Variants in SYNE1 observed in about 807,000 individuals in gnomAD.
SYNE1 encodes spectrin repeat containing nuclear envelope protein 1.
A neutral mutation model predicts 1,111.0 loss-of-function variants in SYNE1; 616 were observed. That is an observed-to-expected ratio of 0.55 (90% CI 0.52 to 0.59). The LOEUF (loss-of-function observed/expected upper bound fraction) is 0.59. SYNE1 is among the 20% of genes least tolerant of loss of function. SYNE1 has a pLI of 0.00. For missense variants in SYNE1, 10,006 were observed against 10,417.0 expected, an observed-to-expected ratio of 0.96 and a Z score of 1.72; for synonymous variants, 3,855 against 3,825.8, an observed-to-expected ratio of 1.01 and a Z score of -0.28.
intron 55 of SYNE1, among the ~76,000 whole-genome samples, chr6:152,384,505 T>A (rs892342301): frequency 2.0e-5 from 3 of 152,186 alleles, no homozygotes; most frequent in Non-Finnish European, 4.4e-5. Context: ...TAAAAAGTGG[T>A]TTTATGTGAT....
chr6:152,581,110 A>T (rs1582873611), intron 3 of SYNE1, among the ~76,000 whole-genome samples: 1 of 152,228 alleles, frequency 6.6e-6, no homozygotes, highest in African/African-American at 2.4e-5. Context: ...GGCCTCAGGA[A>T]CTACTGATGT....
chr6:152,202,996 T>C (rs1385133727), intron 126 of SYNE1, among the ~76,000 whole-genome samples: 1 of 152,188 alleles, frequency 6.6e-6, no homozygotes, highest in Non-Finnish European at 1.5e-5. Context: ...GTAAGTGCTC[T>C]GGAGAGGAAT....
intron 117 of SYNE1, 44 bp from the exon 118 acceptor site, chr6:152,221,603 A>G: frequency 6.2e-7 from 1 of 1,612,148 alleles, no homozygotes; most frequent in Non-Finnish European, 8.5e-7. Context: ...CAGGATCTAA[A>G]TTCTAATAAG....
intron 112 of SYNE1, among the ~76,000 whole-genome samples, chr6:152,232,622 T>C (rs1252475302): frequency 6.6e-6 from 1 of 152,198 alleles, no homozygotes; most frequent in African/African-American, 2.4e-5. Flanking sequence ...TTAATTATCT[T>C]GTAAAATCTC....
Position 152,233,938 on chromosome 6 carries a change from TG to T in SYNE1, c.20554del (p.Gln6852AsnfsTer4). ...FLEFSKEVDA[Q>X]SSLKSSVLST... The stretch of plus-strand genomic sequence containing the variant: ...CAGAACAGATGATTTCAGGGAAGAT[TG>T]GGCATCCACTTCTTTAGAAAACTCC... On this transcript the variant is annotated frameshift_variant, in exon 112 of 146. Coordinates refer to ENST00000367255, the MANE Select transcript of SYNE1 (RefSeq NM_182961.4). LOFTEE classifies it high-confidence loss of function. 1 of 1,614,166 alleles carries T rather than the reference TG, an allele frequency of 6.2e-7. No homozygotes were observed. Among genetic ancestry groups the T allele is most frequent in the Non-Finnish European group, 8.5e-7 (1 of 1,180,022 alleles).
At chr6:152,462,086 G>A (rs551878805) in intron 20 of SYNE1, among the ~76,000 whole-genome samples, 2 of 117,336 alleles carry the variant, frequency 1.7e-5, no homozygotes, top group East Asian at 7.2e-4. Flanking sequence ...AAATTAGACT[G>A]GTTTTCGTTA....
In SYNE1 at chr6:152,465,760, A is replaced by AACACAC. The variant is rs113781129; in HGVS notation, c.1729+221_1729+222insGTGTGT. 0.13 allele frequency among the ~76,000 whole-genome samples: 17,011 copies of AACACAC among 133,102 alleles called. 1,091 individuals are homozygous for AACACAC. Among genetic ancestry groups the AACACAC allele is most frequent in the Non-Finnish European group, 0.17 (10,336 of 62,308 alleles). The allele number at this position is 133,102 out of a possible 152,430, so 87.3% of individuals were successfully genotyped here. A position where few individuals can be genotyped will look rare whatever the true frequency, so the allele number is the denominator to read the frequency against. ...TGCTTATTTTGTTCTCTCTTAGAAG[A>AACACAC]ACACATACACACACACACACACACA... On this transcript the variant is annotated intron_variant, in intron 17 of 145. Coordinates refer to ENST00000367255, the MANE Select transcript of SYNE1 (RefSeq NM_182961.4).
chr6:152,279,753 C>G (rs2093916305), intron 97 of SYNE1, among the ~76,000 whole-genome samples: 2 of 148,976 alleles, frequency 1.3e-5, no homozygotes, highest in South Asian at 4.3e-4. Flanking sequence ...AACATCAAAC[C>G]AAAAAACTAG....
chr6:152,522,217 C>T (rs2623935), intron 5 of SYNE1, among the ~76,000 whole-genome samples: 29,619 of 151,976 alleles, frequency 0.19, 3,094 homozygotes, highest in Middle Eastern at 0.32. Context: ...CTCTTACCCT[C>T]ATCCTTCTGA....
At chr6:152,482,419 T>C (rs1244275693) in intron 14 of SYNE1, among the ~76,000 whole-genome samples, 3 of 152,136 alleles carry the variant, frequency 2.0e-5, no homozygotes, top group Admixed American at 2.0e-4. Flanking sequence ...TTTTCACATA[T>C]GCAGGAATAC....
Position 152,309,867 on chromosome 6 carries a change from GCTGCAGCCGGCTGGCCTCTTC to G in SYNE1, c.17149_17169del (p.Glu5717_Gln5723del). The stretch of plus-strand genomic sequence containing the variant: ...ATGTTACACTGCTGGATGGCGGTGT[GCTGCAGCCGGCTGGCCTCTTC>G]CTGCAGCCGCAGAGCAGCATGACAG... On this transcript the variant is annotated inframe_deletion, in exon 90 of 146. Coordinates refer to ENST00000367255, the MANE Select transcript of SYNE1 (RefSeq NM_182961.4). The G allele has an allele frequency of 6.2e-7, 1 of 1,614,030 alleles. No individual in the cohort carries two copies.
At chr6:152,449,982 C>T (rs1323674710) in intron 27 of SYNE1, among the ~76,000 whole-genome samples, 1 of 152,190 alleles carries the variant, frequency 6.6e-6, no homozygotes, top group African/African-American at 2.4e-5. Context: ...AGGAAGAAGC[C>T]ACCCTTTAGG....
At chr6:152,496,430 C>T (rs1233867618) in intron 11 of SYNE1, among the ~76,000 whole-genome samples, 2 of 152,168 alleles carry the variant, frequency 1.3e-5, no homozygotes, top group Non-Finnish European at 2.9e-5. Flanking sequence ...CCTGGTTCCT[C>T]CCAATTCTTA....
intron 3 of SYNE1, among the ~76,000 whole-genome samples, 194 bp downstream of exon 3, chr6:152,628,071 T>A (rs1314316029): frequency 1.1e-4 from 17 of 148,726 alleles, no homozygotes; most frequent in Admixed American, 1.1e-3. Flanking sequence ...GCTGTATTTT[T>A]ATCTTTTCCT....
At chr6:152,394,424 C>T (rs1038273626) in intron 51 of SYNE1, among the ~76,000 whole-genome samples, 5 of 151,076 alleles carry the variant, frequency 3.3e-5, no homozygotes, top group African/African-American at 1.2e-4. Flanking sequence ...GTAATGAGCC[C>T]AAGGAGCCAA....
intron 138 of SYNE1, among the ~76,000 whole-genome samples, chr6:152,143,035 A>G (rs1051275744): frequency 2.0e-5 from 3 of 152,218 alleles, no homozygotes; most frequent in African/African-American, 7.2e-5. Context: ...TAACTCGAGT[A>G]GGGCAAATAA....
intron 123 of SYNE1, among the ~76,000 whole-genome samples, chr6:152,211,980 A>G (rs1447183307): frequency 2.6e-5 from 4 of 152,118 alleles, no homozygotes; most frequent in Non-Finnish European, 5.9e-5. Context: ...AAAATAGCCT[A>G]GTCTTTTTCT....
In SYNE1 at chr6:152,230,552, A is replaced by G; in HGVS notation, c.21190T>C (p.Cys7064Arg). 2 of 1,614,096 alleles carry G rather than the reference A, an allele frequency of 1.2e-6. No homozygotes were observed. Among genetic ancestry groups the G allele is most frequent in the Non-Finnish European group, 1.7e-6 (2 of 1,179,970 alleles). Residue 7064 changes from cysteine (C) to arginine (R), a missense_variant, in exon 115 of 146, where the codon TGT becomes CGT. This residue lies in a region of SYNE1 where 2,182 missense variants were observed against 2,287.8 expected (regional missense o/e 0.95). Coordinates refer to ENST00000367255, the MANE Select transcript of SYNE1 (RefSeq NM_182961.4). ...QASVQNALKD[C>R]QDLEDLIKAK... ...TAGCCACCTGGACAAGTTACCTGAC[A>G]GTCTTTCAGTGCATTTTGAACAGAA...
At chr6:152,149,125 C>T (rs1169302920) in intron 136 of SYNE1, among the ~76,000 whole-genome samples, 1 of 152,204 alleles carries the variant, frequency 6.6e-6, no homozygotes, top group Non-Finnish European at 1.5e-5. Context: ...TAGAGCAGTG[C>T]TGCCCCATGT....
Sources: allele counts gnomAD v4.1 joint callset (sites outside exome capture counted in the v4.1 genomes callset), GRCh38; gene constraint gnomAD v4.1.1; regional missense constraint gnomAD v4.1.1; transcripts MANE v1.5; gene names NCBI Gene and HGNC (gene_info 2026-07-23, HGNC 2026-07-21).